DOCK10: variants seen among roughly 807,000 people sequenced by gnomAD.
DOCK10 encodes the protein dedicator of cytokinesis 10, also known as dedicator of cytokinesis protein 10.
A neutral mutation model predicts 280.1 loss-of-function variants in DOCK10; 145 were observed. The observed-to-expected ratio is 0.52, with a 90% CI of 0.45 to 0.59. The LOEUF is 0.59. Among genes scored for constraint, DOCK10 ranks in the 20% least tolerant of loss-of-function variants. The pLI is 0.00. For missense variants in DOCK10, 2,368 were observed against 2,651.7 expected (o/e 0.89, Z 2.35); for synonymous variants, 915 against 942.2 (o/e 0.97, Z 0.53).
chr2:225,013,678 C>CT, intron 1 of DOCK10, among the ~76,000 whole-genome samples: 1 of 152,206 alleles, frequency 6.6e-6, no homozygotes, highest in Non-Finnish European at 1.5e-5. Context: ...TCTATCTGCA[C>CT]TTGACTTTAC....
intron 2 of DOCK10, among the ~76,000 whole-genome samples, chr2:224,930,357 C>A (rs1306824711): frequency 4.6e-5 from 7 of 152,086 alleles, no homozygotes; most frequent in Non-Finnish European, 1.0e-4. Flanking sequence ...GTGGCCTAGT[C>A]CAACCACGGA....
chr2:224,985,387 G>T (rs1032905574), intron 1 of DOCK10, among the ~76,000 whole-genome samples: 4 of 151,062 alleles, frequency 2.6e-5, no homozygotes, highest in Non-Finnish European at 5.9e-5. Flanking sequence ...TCATATTATT[G>T]TATGTTATTT....
chr2:224,790,912 G>T (rs1692143748), intron 47 of DOCK10, among the ~76,000 whole-genome samples: 1 of 152,040 alleles, frequency 6.6e-6, no homozygotes, highest in Admixed American at 6.6e-5. Context: ...ATGCTAATTA[G>T]AATATGCTAA....
chr2:224,939,602 A>G (rs1178034119), intron 1 of DOCK10, among the ~76,000 whole-genome samples: 1 of 152,240 alleles, frequency 6.6e-6, no homozygotes, highest in East Asian at 1.9e-4. Context: ...ACCCAATTAC[A>G]AGGCTGCCTG....
Position 224,806,180 on chromosome 2 carries a change from G to A in DOCK10, c.3760C>T (p.His1254Tyr). ...AATGATGTATCCACAGAGTTTGCAT[G>A]TTTGATAGCTGTCTGGCTTTGAAAT... ...GGFQSQTAIK[H>Y]ANSVDTSFSK... is the part of the protein sequence containing the mutation. Residue 1254 changes from histidine to tyrosine, a missense_variant, in exon 34 of 56, where the codon CAT becomes TAT. Physicochemically the swap from His to Tyr is moderately conservative, Grantham distance 83. Coordinates refer to ENST00000258390, the MANE Select transcript of DOCK10 (RefSeq NM_014689.3). The A allele has an allele frequency of 6.2e-7, 1 of 1,611,542 alleles. No individual in the cohort carries two copies. Among genetic ancestry groups the A allele is most frequent in the Non-Finnish European group, 8.5e-7 (1 of 1,178,532 alleles).
rs776912091 is a variant in DOCK10, at chr2:224,770,306, G to A, written c.6349C>T (p.Arg2117Cys). 47 of 1,607,372 alleles carry A rather than the reference G, an allele frequency of 2.9e-5. No individual in the cohort carries two copies. Among genetic ancestry groups the A allele is most frequent in the Middle Eastern group, 1.7e-4 (1 of 6,058 alleles). The change falls in exon 55 of 56, where the codon CGC (arginine) becomes TGC (cysteine). Residue 2117 changes from arginine (R) to cysteine (C), a missense_variant. This residue lies in a region of DOCK10 where 1,159 missense variants were observed against 1,400.8 expected (regional missense o/e 0.83). Coordinates refer to ENST00000258390, the MANE Select transcript of DOCK10 (RefSeq NM_014689.3). The surrounding 1 kb of genome is among the most constrained non-coding windows in gnomAD (Gnocchi z 4.5). The part of the protein sequence containing the change: ...ACGQALDVNE[R>C]LIKEDQLEYQ... ...TCCAGCTGGTCCTCTTTGATGAGGC[G>A]CTCATTCACGTCAAGGGCCTGCCCA...
Position 224,834,344 on chromosome 2 carries a change from T to A in DOCK10, c.2851-81A>T, listed in dbSNP as rs146081971. The A allele has an allele frequency of 7.9e-3, 6,579 of 836,550 alleles. 62 individuals carry two copies. The highest frequency in any genetic ancestry group is 0.019 in the Middle Eastern group (83 of 4,368). The allele number at this position is 836,550 out of a possible 1,614,324, so 51.8% of individuals were successfully genotyped here. A position where few individuals can be genotyped will look rare whatever the true frequency, so the allele number is the denominator to read the frequency against. ...AAAACTATGTCATGTGAATAACTTA[T>A]GTCTCTAAATTATCTGCTCATGCCA... is the stretch of plus-strand genomic sequence containing the variant. On this transcript the variant is annotated intron_variant, in intron 25 of 55. Coordinates refer to ENST00000258390, the MANE Select transcript of DOCK10 (RefSeq NM_014689.3).
chr2:225,019,964 T>C (rs1404022179), intron 1 of DOCK10, among the ~76,000 whole-genome samples: 9 of 152,172 alleles, frequency 5.9e-5, no homozygotes, highest in Admixed American at 5.9e-4. Context: ...ATTGCAAACA[T>C]ATTTGTGATC....
chr2:225,015,193 C>T (rs890870491), intron 1 of DOCK10, among the ~76,000 whole-genome samples: 3 of 152,004 alleles, frequency 2.0e-5, no homozygotes, highest in African/African-American at 7.2e-5. Flanking sequence ...ACTAATATAG[C>T]CAATACATGA....
At chr2:224,835,102 T>C (rs1178951062) in intron 25 of DOCK10, among the ~76,000 whole-genome samples, 1 of 152,236 alleles carries the variant, frequency 6.6e-6, no homozygotes, top group African/African-American at 2.4e-5. Flanking sequence ...CTTTAAACTT[T>C]GTAGCACATT....
intron 11 of DOCK10, among the ~76,000 whole-genome samples, chr2:224,868,360 T>G (rs1420781835): frequency 6.6e-6 from 1 of 152,228 alleles, no homozygotes; most frequent in Non-Finnish European, 1.5e-5. Flanking sequence ...ATATATTGCA[T>G]ACATGCACAT....
chr2:224,931,878 A>C (rs1369252372), intron 1 of DOCK10, among the ~76,000 whole-genome samples: 1 of 152,214 alleles, frequency 6.6e-6, no homozygotes. Flanking sequence ...AAAATACCTG[A>C]TATCTCCCTC....
intron 1 of DOCK10, among the ~76,000 whole-genome samples, chr2:224,944,859 C>G (rs1200496977): frequency 6.6e-6 from 1 of 152,164 alleles, no homozygotes; most frequent in African/African-American, 2.4e-5. Context: ...CTTCTGTCGT[C>G]GAAGAAAGCT....
intron 2 of DOCK10, among the ~76,000 whole-genome samples, chr2:224,922,042 C>T (rs1239245392): frequency 6.6e-6 from 1 of 151,442 alleles, no homozygotes; most frequent in Admixed American, 6.6e-5. Flanking sequence ...TCGCTTGAAC[C>T]CGGGTGGCGG....
chr2:224,905,234 A>ATT (rs201582173), intron 3 of DOCK10, among the ~76,000 whole-genome samples: 2,140 of 111,366 alleles, frequency 0.019, 43 homozygotes, highest in African/African-American at 0.038. Context: ...CTATGGAACT[A>ATT]TTTTTTTTTT....
intron 1 of DOCK10, among the ~76,000 whole-genome samples, chr2:225,017,917 C>A (rs1032290044): frequency 6.6e-6 from 1 of 152,148 alleles, no homozygotes; most frequent in Non-Finnish European, 1.5e-5. Context: ...TCTTCATTAT[C>A]CCTGCCAACA....
chr2:224,846,500 C>CTTTTTTTTTTTTTT (rs796471168), intron 19 of DOCK10, among the ~76,000 whole-genome samples: 1 of 129,058 alleles, frequency 7.7e-6, no homozygotes. Flanking sequence ...TGACCTCTGG[C>CTTTTTTTTTTTTTT]TTTTTTTTTT....
In DOCK10 at chr2:224,917,359, G is replaced by A. The variant is rs184203843; in HGVS notation, c.244-575C>T. Reference sequence around the variant, plus strand: ...TGACCTCAGGTAATCCACCCGCCTCGGCCTCCCAAAGTGGAATCTTTTTTA... The same window carrying A: ...TGACCTCAGGTAATCCACCCGCCTCAGCCTCCCAAAGTGGAATCTTTTTTA... On this transcript the variant is annotated intron_variant, in intron 2 of 55. Coordinates refer to ENST00000258390, the MANE Select transcript of DOCK10 (RefSeq NM_014689.3). 2.1e-3 allele frequency among the ~76,000 whole-genome samples: 319 copies of A among 151,898 alleles called. 2 individuals carry two copies. Among genetic ancestry groups the A allele is most frequent in the Non-Finnish European group, 2.7e-3 (183 of 67,950 alleles).
At chr2:224,801,122 G>T (rs1692961916) in intron 40 of DOCK10, among the ~76,000 whole-genome samples, 1 of 151,960 alleles carries the variant, frequency 6.6e-6, no homozygotes, top group African/African-American at 2.4e-5. Flanking sequence ...TCAGAGAGAA[G>T]AGATTGTAAA....
Sources: allele counts gnomAD v4.1 joint callset (sites outside exome capture counted in the v4.1 genomes callset), GRCh38; gene constraint gnomAD v4.1.1; regional missense constraint gnomAD v4.1.1; non-coding constraint Gnocchi (gnomAD v3.1); transcripts MANE v1.5; gene names NCBI Gene and HGNC (gene_info 2026-07-23, HGNC 2026-07-21).